Variants in FRAS1 observed in about 807,000 individuals in gnomAD.
The protein encoded by FRAS1 is Fraser extracellular matrix complex subunit 1, also known as extracellular matrix organizing protein FRAS1.
Under a neutral mutation model 435.2 loss-of-function variants are expected in FRAS1, and 290 were observed. The observed-to-expected ratio is 0.67, with a 90% CI of 0.61 to 0.73. FRAS1 has a LOEUF of 0.73. Ranked by LOEUF, FRAS1 falls within the 30% of genes least tolerant of loss-of-function variation. The probability of loss-of-function intolerance (pLI) is 0.00; values close to 1 mark genes in which losing one functional copy is unlikely to be tolerated. For synonymous variants in FRAS1, 1,800 were observed against 1,851.0 expected (o/e 0.97, Z 0.71); for missense variants, 4,860 against 5,001.5 (o/e 0.97, Z 0.85).
intron 64 of FRAS1, among the ~76,000 whole-genome samples, chr4:78,512,659 G>A (rs1721076469): frequency 6.6e-6 from 1 of 152,202 alleles, no homozygotes; most frequent in Admixed American, 6.5e-5. Flanking sequence ...ATAGTGGAGA[G>A]GCAAGACAAA....
At position 78,507,620 on chromosome 4, in the gene FRAS1, G is replaced by T. The variant is rs760202296; in HGVS notation, c.9504+12G>T. 2.5e-6 allele frequency: 4 copies of T among 1,573,848 alleles called. No individual in the cohort carries two copies. Among genetic ancestry groups the T allele is most frequent in the Non-Finnish European group, 2.6e-6 (3 of 1,167,480 alleles). ...CAGCACCACCCATTGTGAGTTGCTT[G>T]ACCCAAAGGATTGCTGTTTTACGTC... On this transcript the variant is annotated intron_variant, in intron 62 of 73. Transcript: ENST00000512123.
At chr4:78,420,157 C>T (rs1182033079) in intron 33 of FRAS1, among the ~76,000 whole-genome samples, 1 of 152,214 alleles carries the variant, frequency 6.6e-6, no homozygotes, top group African/African-American at 2.4e-5. Flanking sequence ...TCTCCCAAGA[C>T]TAACCACTGC....
Position 78,391,575 on chromosome 4 carries a change from A to G in FRAS1, c.3975+3874A>G, listed in dbSNP as rs146891437. Among the ~76,000 whole-genome samples, 257 of 152,334 alleles carry G rather than the reference A, an allele frequency of 1.7e-3. 2 individuals are homozygous for G. The highest frequency in any genetic ancestry group is 5.9e-3 in the African/African-American group (244 of 41,576). On this transcript the variant is annotated intron_variant, in intron 29 of 73. Coordinates refer to ENST00000512123, the MANE Select transcript of FRAS1 (RefSeq NM_025074.7). ...GGAATTGTCTTCTTTTTCATTAATTAAGATACCTCTGGAAATCATGCCTTT... is the reference window on the plus strand; with the variant it reads ...GGAATTGTCTTCTTTTTCATTAATTGAGATACCTCTGGAAATCATGCCTTT...
intron 32 of FRAS1, among the ~76,000 whole-genome samples, chr4:78,418,196 C>G (rs1039851961): frequency 6.6e-6 from 1 of 152,206 alleles, no homozygotes; most frequent in Non-Finnish European, 1.5e-5. Context: ...AAAGCAGTAT[C>G]TAGTTCTTTT....
intron 35 of FRAS1, among the ~76,000 whole-genome samples, chr4:78,427,317 T>G (rs1428089372): frequency 6.6e-6 from 1 of 152,132 alleles, no homozygotes; most frequent in Non-Finnish European, 1.5e-5. Context: ...TCTCACCAAA[T>G]GTACCCCCTC....
At chr4:78,339,499 A>G (rs1428516362) in intron 20 of FRAS1, among the ~76,000 whole-genome samples, 1 of 152,224 alleles carries the variant, frequency 6.6e-6, no homozygotes, top group East Asian at 1.9e-4. Context: ...GGGAGAAGTA[A>G]CAAGATATGG....
intron 2 of FRAS1, among the ~76,000 whole-genome samples, chr4:78,191,998 A>G (rs565226390): frequency 6.6e-6 from 1 of 152,252 alleles, no homozygotes; most frequent in East Asian, 1.9e-4. Flanking sequence ...GCTGCAATAA[A>G]CATACGTGTG....
At chr4:78,449,261 T>A (rs1308965880) in intron 44 of FRAS1, among the ~76,000 whole-genome samples, 1 of 152,150 alleles carries the variant, frequency 6.6e-6, no homozygotes, top group Non-Finnish European at 1.5e-5. Flanking sequence ...ACAGACACTT[T>A]CGTGTGCAGT....
chr4:78,502,089 G>A (rs1720700992), intron 61 of FRAS1, among the ~76,000 whole-genome samples: 1 of 152,074 alleles, frequency 6.6e-6, no homozygotes, highest in Non-Finnish European at 1.5e-5. Flanking sequence ...ATCTCTTTTG[G>A]TACCAGTACC....
At chr4:78,417,361 A>T (rs1733591807) in intron 32 of FRAS1, among the ~76,000 whole-genome samples, 1 of 152,118 alleles carries the variant, frequency 6.6e-6, no homozygotes, top group South Asian at 2.1e-4. Context: ...AGTTATTATG[A>T]TAGTTTTGAT....
At chr4:78,122,482 G>T (rs556004314) in intron 2 of FRAS1, among the ~76,000 whole-genome samples, 1 of 152,106 alleles carries the variant, frequency 6.6e-6, no homozygotes, top group South Asian at 2.1e-4. Context: ...AATCCTTTGG[G>T]TATATGCCCC....
intron 35 of FRAS1, among the ~76,000 whole-genome samples, chr4:78,424,941 G>A (rs1206983111): frequency 5.9e-5 from 9 of 151,266 alleles, no homozygotes; most frequent in Admixed American, 5.9e-4. Flanking sequence ...AAAAAAAAAA[G>A]AAATTAATGT....
At chr4:78,417,521 G>T (rs1377889577) in intron 32 of FRAS1, among the ~76,000 whole-genome samples, 1 of 152,106 alleles carries the variant, frequency 6.6e-6, no homozygotes, top group Non-Finnish European at 1.5e-5. Context: ...TTAATTTGTT[G>T]TCCTTACTTG....
At position 78,413,203 on chromosome 4, in the gene FRAS1, TGGG is replaced by T. The variant is rs978836479; in HGVS notation, c.4425+121_4425+123del. 6 of 552,432 alleles carry T rather than the reference TGGG, an allele frequency of 1.1e-5. No individual in the cohort carries two copies. In the African/African-American group the frequency reaches 1.2e-4, roughly 11 times the overall value. 34.2% of individuals were successfully genotyped at this position (552,432 alleles called of 1,614,324 possible). ...AAGTGCCTGGCCCAGATCACAGACT[TGGG>T]GGCCAAAAAGCCTAGTGGTCACATT... On this transcript the variant is annotated intron_variant, in intron 32 of 73. Coordinates refer to ENST00000512123, the MANE Select transcript of FRAS1 (RefSeq NM_025074.7).
chr4:78,429,858 T>G (rs1037801333), intron 36 of FRAS1, among the ~76,000 whole-genome samples: 1 of 152,236 alleles, frequency 6.6e-6, no homozygotes, highest in African/African-American at 2.4e-5. Flanking sequence ...CCTGTCACTT[T>G]AACCCTGCAC....
chr4:78,115,562 G>T (rs566422783), intron 2 of FRAS1, among the ~76,000 whole-genome samples: 14 of 152,166 alleles, frequency 9.2e-5, no homozygotes, highest in Non-Finnish European at 2.1e-4. Context: ...TCTTGGGAGG[G>T]TGTATGTGTC....
intron 29 of FRAS1, among the ~76,000 whole-genome samples, chr4:78,398,967 G>C (rs1732774890): frequency 6.6e-6 from 1 of 151,706 alleles, no homozygotes; most frequent in Non-Finnish European, 1.5e-5. Context: ...TGGGCAGCAA[G>C]AGCAAAATTC....
rs187816883 is a variant in FRAS1 at position 78,432,397 on chromosome 4, A to G, written c.5010A>G (p.Leu1670=). 158 of 1,608,924 alleles carry G rather than the reference A, an allele frequency of 9.8e-5. No individual in the cohort carries two copies. In the African/African-American group the frequency reaches 1.8e-3, roughly 19 times the overall value. Residue 1670 remains leucine, a synonymous_variant, in exon 38 of 74, where the codon CTA becomes CTG. Coordinates refer to ENST00000512123, the MANE Select transcript of FRAS1 (RefSeq NM_025074.7). ...FTYEDVEKNA[L]QYIHDGSSTR... ...ATGAGGATGTTGAGAAAAATGCTCTACAGTATATACATGATGGTTCCTCTA... is the reference window on the plus strand; with the variant it reads ...ATGAGGATGTTGAGAAAAATGCTCTGCAGTATATACATGATGGTTCCTCTA...
intron 20 of FRAS1, among the ~76,000 whole-genome samples, chr4:78,355,237 G>A (rs1730803600): frequency 6.6e-6 from 1 of 151,192 alleles, no homozygotes; most frequent in South Asian, 2.1e-4. Flanking sequence ...TGTTTACAGT[G>A]CTAATTTACT....
Sources: gnomAD v4.1 joint callset for allele counts (sites outside exome capture counted in the v4.1 genomes callset) on GRCh38, gnomAD v4.1.1 for gene constraint, MANE v1.5 for transcripts, NCBI Gene and HGNC (gene_info 2026-07-23, HGNC 2026-07-21) for gene names.